The following CYTH3 variants were observed in gnomAD, a reference collection of about 807,000 sequenced individuals.
CYTH3 encodes cytohesin 3.
In CYTH3, 23 loss-of-function variants were observed where a neutral mutation model predicts 55.1. The ratio of observed to expected loss-of-function variants is 0.42; its 90% CI spans 0.30 to 0.59. The LOEUF (loss-of-function observed/expected upper bound fraction) is 0.59. Ranked by LOEUF, CYTH3 falls within the 20% of genes least tolerant of loss-of-function variation. CYTH3 has a pLI of 0.20. For missense variants in CYTH3, 413 were observed against 524.8 expected (o/e 0.79, Z 2.08); for synonymous variants, 249 against 194.9 (o/e 1.28, Z -2.31).
chr7:6,174,799 G>A lies in CYTH3; in HGVS notation c.369-1066C>T, dbSNP rs548424863. On this transcript the variant is annotated intron_variant, in intron 5 of 12. Coordinates refer to ENST00000350796, the MANE Select transcript of CYTH3 (RefSeq NM_004227.4). ...CCTAACCTCGTGATCCACCCACCTC[G>A]GCCTCCCAAAGTGCTGGGATTACAG... is the stretch of plus-strand genomic sequence containing the variant. Among the ~76,000 whole-genome samples the A allele has an allele frequency of 5.3e-5, 8 of 151,324 alleles. No individual in the cohort carries two copies. In the East Asian group the frequency reaches 7.9e-4, roughly 15 times the overall value.
intron 9 of CYTH3, among the ~76,000 whole-genome samples, chr7:6,168,263 A>T (rs1015122194): frequency 2.0e-5 from 3 of 149,520 alleles, no homozygotes; most frequent in Non-Finnish European, 4.4e-5. Context: ...CAAGACTCGA[A>T]GTCTTAAGTT....
At chr7:6,216,044 G>A (rs1253129235) in intron 1 of CYTH3, among the ~76,000 whole-genome samples, 1 of 152,204 alleles carries the variant, frequency 6.6e-6, no homozygotes, top group Non-Finnish European at 1.5e-5. Context: ...AGAATGGCTA[G>A]CGGGAGTTCT....
rs1197278095 is a variant in CYTH3, at chr7:6,164,949, T to C, written c.1195A>G (p.Lys399Glu). ...GGGTCTTTTAGCCAGGAAAGCTATT[T>C]TTTATTGGCAATCCTTCGTTTCCTC... ...ATRKRRIANK[K>E] Residue 399 changes from lysine to glutamate, a missense_variant, in exon 13 of 13, where the codon AAA becomes GAA. Physicochemically the swap from Lys to Glu is moderately conservative, Grantham distance 56. Transcript: ENST00000350796. 1 of 1,614,236 alleles carries C rather than the reference T, an allele frequency of 6.2e-7. No individual in the cohort carries two copies. The highest frequency in any genetic ancestry group is 8.5e-7 in the Non-Finnish European group (1 of 1,180,032).
intron 1 of CYTH3, among the ~76,000 whole-genome samples, chr7:6,264,066 G>A (rs1159328378): frequency 6.6e-6 from 1 of 152,042 alleles, no homozygotes; most frequent in Non-Finnish European, 1.5e-5. Flanking sequence ...GGCCAACATG[G>A]TGAAACCCCA....
At chr7:6,244,955 ATTTTTTTTTTTTTTTTTTTTTTT>A (rs887701278) in intron 1 of CYTH3, among the ~76,000 whole-genome samples, 15 of 36,452 alleles carry the variant, frequency 4.1e-4, no homozygotes, top group South Asian at 3.6e-3. Flanking sequence ...CGCCCGGCTA[ATTTTTTTTTTTTTTTTTTTTTTT>A]TTTTTTTTTT....
At chr7:6,260,654 A>G (rs1313198683) in intron 1 of CYTH3, among the ~76,000 whole-genome samples, 1 of 152,164 alleles carries the variant, frequency 6.6e-6, no homozygotes, top group Non-Finnish European at 1.5e-5. Context: ...CTCTAAGTGC[A>G]TTCAACACAG....
intron 1 of CYTH3, among the ~76,000 whole-genome samples, chr7:6,206,912 G>A (rs1047320269): frequency 3.3e-5 from 5 of 151,830 alleles, no homozygotes; most frequent in African/African-American, 9.7e-5. Flanking sequence ...GATTTTTTTC[G>A]TTTTAGAGAG....
At chr7:6,184,657 T>C (rs1391951265) in intron 4 of CYTH3, among the ~76,000 whole-genome samples, 1 of 152,030 alleles carries the variant, frequency 6.6e-6, no homozygotes, top group South Asian at 2.1e-4. Context: ...CTCAGCTCAC[T>C]GCAACCTGAC....
intron 1 of CYTH3, among the ~76,000 whole-genome samples, chr7:6,242,436 G>A (rs1779699083): frequency 6.8e-6 from 1 of 146,880 alleles, no homozygotes; most frequent in Non-Finnish European, 1.5e-5. Context: ...GAGTGCAGTG[G>A]CACGATCTTG....
At chr7:6,206,424 G>A (rs1016320053) in intron 1 of CYTH3, among the ~76,000 whole-genome samples, 2 of 152,214 alleles carry the variant, frequency 1.3e-5, no homozygotes, top group Non-Finnish European at 2.9e-5. Flanking sequence ...AATTTGTGTT[G>A]ATAGGAATCA....
intron 1 of CYTH3, among the ~76,000 whole-genome samples, chr7:6,209,424 T>C (rs1174129379): frequency 6.6e-6 from 1 of 152,126 alleles, no homozygotes; most frequent in Admixed American, 6.5e-5. Flanking sequence ...CAGAGTAAAA[T>C]AAACAACTTC....
chr7:6,181,064 G>A (rs1377029808), intron 4 of CYTH3, among the ~76,000 whole-genome samples: 1 of 151,948 alleles, frequency 6.6e-6, no homozygotes, highest in African/African-American at 2.4e-5. Context: ...TTTCTCTTCA[G>A]TGATTACTCT....
chr7:6,204,581 G>T (rs1274074440), intron 1 of CYTH3, among the ~76,000 whole-genome samples: 4 of 152,132 alleles, frequency 2.6e-5, no homozygotes, highest in Admixed American at 6.6e-5. Flanking sequence ...CAGCACTGTG[G>T]CCTCCTGATT....
chr7:6,234,728 G>A (rs143011457), intron 1 of CYTH3, among the ~76,000 whole-genome samples: 145 of 152,254 alleles, frequency 9.5e-4, no homozygotes, highest in African/African-American at 3.4e-3. Flanking sequence ...CTCTCCCACC[G>A]CGTGGCAGGG....
In CYTH3 at chr7:6,169,274, G is replaced by A. The variant is rs1451926628; in HGVS notation, c.823+1261C>T. On this transcript the variant is annotated intron_variant, in intron 9 of 12. Coordinates refer to ENST00000350796, the MANE Select transcript of CYTH3 (RefSeq NM_004227.4). This position sits in a 1 kb window ranked among gnomAD's most constrained non-coding sequence, Gnocchi z 4.1. ...CTCACTCTGTCGCCGAGGTGGGAGA[G>A]CAGTGGCACAGTCATGGTTCATTGG... Among the ~76,000 whole-genome samples, 1 of 152,184 alleles carries A rather than the reference G, an allele frequency of 6.6e-6. No individual in the cohort carries two copies. Among genetic ancestry groups the A allele is most frequent in the Non-Finnish European group, 1.5e-5 (1 of 68,040 alleles).
Position 6,170,496 on chromosome 7 carries a change from G to A in CYTH3, c.823+39C>T. On this transcript the variant is annotated intron_variant, in intron 9 of 12. Transcript: ENST00000350796. This position sits in a 1 kb window ranked among gnomAD's most constrained non-coding sequence, Gnocchi z 7.8. ...ACCCGAGGGGCTGCTGCCATGGGCA[G>A]AGGGGTCACGCCCGGGTCCCGCTGG... is the stretch of plus-strand genomic sequence containing the variant. 3 of 1,585,124 alleles carry A rather than the reference G, an allele frequency of 1.9e-6. No homozygotes were observed. Among genetic ancestry groups the A allele is most frequent in the African/African-American group, 2.7e-5 (2 of 74,464 alleles).
chr7:6,179,888 ACACACAC>A (rs1783460500), intron 4 of CYTH3, among the ~76,000 whole-genome samples: 5 of 127,372 alleles, frequency 3.9e-5, no homozygotes, highest in African/African-American at 1.7e-4. Flanking sequence ...CACACACACC[ACACACAC>A]CCACACACAA....
chr7:6,218,551 C>T (rs552262174), intron 1 of CYTH3, among the ~76,000 whole-genome samples: 37 of 152,248 alleles, frequency 2.4e-4, no homozygotes, highest in African/African-American at 8.2e-4. Flanking sequence ...ATTACAACAG[C>T]CTCGGGAAAC....
At chr7:6,173,141 A>T in intron 6 of CYTH3, 1 of 878,932 alleles carries the variant, frequency 1.1e-6, no homozygotes, top group Non-Finnish European at 1.4e-6. Context: ...CCAAGGAAGG[A>T]AGCGAGACAA....
Sources: allele counts gnomAD v4.1 joint callset (sites outside exome capture counted in the v4.1 genomes callset), GRCh38; gene constraint gnomAD v4.1.1; non-coding constraint Gnocchi (gnomAD v3.1); transcripts MANE v1.5; gene names NCBI Gene and HGNC (gene_info 2026-07-23, HGNC 2026-07-21).